The following MSRA variants were observed in gnomAD, a reference collection of about 807,000 sequenced individuals.
The protein encoded by MSRA is methionine sulfoxide reductase A, also known as mitochondrial peptide methionine sulfoxide reductase.
Under a neutral mutation model 31.3 loss-of-function variants are expected in MSRA, and 54 were observed. That is an observed-to-expected ratio of 1.73 (90% CI 1.39 to 2.17). The LOEUF (loss-of-function observed/expected upper bound fraction) is 2.17. MSRA is among the 30% of genes most tolerant of loss of function. The pLI, the probability that MSRA is intolerant of heterozygous loss-of-function variation, is 0.00. For synonymous variants in MSRA, 169 were observed against 116.5 expected (o/e 1.45, Z -2.90); for missense variants, 507 against 300.9 (o/e 1.69, Z -5.07).
intron 1 of MSRA, among the ~76,000 whole-genome samples, chr8:10,195,280 G>T (rs762489548): frequency 6.6e-6 from 1 of 152,068 alleles, no homozygotes. Flanking sequence ...TCACTCTGTC[G>T]CCCAGGCTTC....
chr8:10,185,595 A>C (rs1202135599), intron 1 of MSRA, among the ~76,000 whole-genome samples: 2 of 152,308 alleles, frequency 1.3e-5, no homozygotes, highest in Middle Eastern at 3.4e-3. Context: ...CCATGACAGA[A>C]GAGGGAAAGA....
At chr8:10,118,910 A>G (rs1800890494) in intron 1 of MSRA, among the ~76,000 whole-genome samples, 1 of 152,146 alleles carries the variant, frequency 6.6e-6, no homozygotes, top group Non-Finnish European at 1.5e-5. Flanking sequence ...GGAATGTGGA[A>G]TATGGGAAGG....
chr8:10,171,426 G>C (rs1805578383), intron 1 of MSRA, among the ~76,000 whole-genome samples: 1 of 143,626 alleles, frequency 7.0e-6, no homozygotes, highest in South Asian at 2.2e-4. Flanking sequence ...ACATTTTCTT[G>C]TATTTGTAGC....
intron 1 of MSRA, among the ~76,000 whole-genome samples, chr8:10,207,095 A>T (rs930669652): frequency 6.6e-6 from 1 of 152,220 alleles, no homozygotes; most frequent in Admixed American, 6.5e-5. Flanking sequence ...ATGCTCATAG[A>T]TGGGGAATAC....
chr8:10,190,182 C>G (rs1272119416), intron 1 of MSRA, among the ~76,000 whole-genome samples: 1 of 152,152 alleles, frequency 6.6e-6, no homozygotes, highest in Non-Finnish European at 1.5e-5. Context: ...GAGGAAGTCT[C>G]TCTTGCCATT....
intron 5 of MSRA, among the ~76,000 whole-genome samples, chr8:10,373,676 C>T (rs191076161): frequency 6.6e-6 from 1 of 152,230 alleles, no homozygotes; most frequent in Admixed American, 6.5e-5. Flanking sequence ...GGAAGGAAGC[C>T]AGCATGACTG....
At chr8:10,331,457 T>A (rs1802695373) in intron 5 of MSRA, among the ~76,000 whole-genome samples, 1 of 152,298 alleles carries the variant, frequency 6.6e-6, no homozygotes, top group African/African-American at 2.4e-5. Context: ...AACTTCACAG[T>A]CACACACAGG....
intron 5 of MSRA, among the ~76,000 whole-genome samples, chr8:10,340,109 G>A (rs1235247737): frequency 2.0e-5 from 3 of 152,060 alleles, no homozygotes; most frequent in East Asian, 3.9e-4. Context: ...GGAAAGAGAC[G>A]GCAAAGGAGA....
chr8:10,165,608 T>C (rs553314727), intron 1 of MSRA, among the ~76,000 whole-genome samples: 8 of 152,208 alleles, frequency 5.3e-5, no homozygotes, highest in Middle Eastern at 3.4e-3. Context: ...GGCTTCAATT[T>C]CCTGATAAAA....
intron 2 of MSRA, among the ~76,000 whole-genome samples, chr8:10,219,731 G>A (rs7017349): frequency 0.67 from 100,258 of 148,636 alleles, 34,923 homozygotes; most frequent in East Asian, 1. Flanking sequence ...GGGTGAACCC[G>A]GGAGGCACAA....
intron 2 of MSRA, among the ~76,000 whole-genome samples, chr8:10,229,560 TGCCTGC>T (rs143937381): frequency 0.01 from 1,534 of 152,228 alleles, 32 homozygotes; most frequent in African/African-American, 0.035. Flanking sequence ...TTAGAGGGTG[TGCCTGC>T]GCATGTGGGG....
chr8:10,249,574 C>T (rs895705720), intron 3 of MSRA, among the ~76,000 whole-genome samples: 1 of 152,166 alleles, frequency 6.6e-6, no homozygotes, highest in Admixed American at 6.5e-5. Flanking sequence ...GGCTGAGAAA[C>T]TTACCTCACC....
At chr8:10,368,406 T>G (rs2129168918) in intron 5 of MSRA, among the ~76,000 whole-genome samples, 1 of 152,358 alleles carries the variant, frequency 6.6e-6, no homozygotes, top group East Asian at 1.9e-4. Flanking sequence ...AAAAGATGTC[T>G]TCCTTTGCAA....
intron 3 of MSRA, among the ~76,000 whole-genome samples, chr8:10,282,867 C>G (rs965387226): frequency 6.6e-6 from 1 of 152,130 alleles, no homozygotes; most frequent in African/African-American, 2.4e-5. Context: ...TTCATCAGCT[C>G]TCCTCTATAT....
At chr8:10,057,121 A>G (rs1486662466) in intron 1 of MSRA, among the ~76,000 whole-genome samples, 1 of 152,204 alleles carries the variant, frequency 6.6e-6, no homozygotes, top group Non-Finnish European at 1.5e-5. Flanking sequence ...AATTTATCCC[A>G]GGCTACCTAA....
chr8:10,097,880 T>G (rs1257803686), intron 1 of MSRA, among the ~76,000 whole-genome samples: 1 of 152,150 alleles, frequency 6.6e-6, no homozygotes, highest in Non-Finnish European at 1.5e-5. Flanking sequence ...AACTTAAAAT[T>G]TGATAAATAC....
In MSRA at chr8:10,231,431, G is replaced by C. The variant is rs189703460; in HGVS notation, c.212-13673G>C. ...TGGCTTGGTAGTCAGCTTGGTGGTAGCTGTATTGAATTTCACGTGTCAGGG... is the reference window on the plus strand; with the variant it reads ...TGGCTTGGTAGTCAGCTTGGTGGTACCTGTATTGAATTTCACGTGTCAGGG... On this transcript the variant is annotated intron_variant, in intron 2 of 5. Coordinates refer to ENST00000317173, the MANE Select transcript of MSRA (RefSeq NM_012331.5). Among the ~76,000 whole-genome samples the C allele has an allele frequency of 5.9e-5, 9 of 152,350 alleles. No individual in the cohort carries two copies. The South Asian group carries it at 6.2e-4, about 11-fold the overall frequency.
intron 5 of MSRA, among the ~76,000 whole-genome samples, chr8:10,334,062 C>T (rs766088183): frequency 1.4e-4 from 21 of 152,118 alleles, no homozygotes; most frequent in Non-Finnish European, 7.3e-5. Flanking sequence ...ATTAAGTTCC[C>T]GTCCATTGGC....
At chr8:10,124,412 G>A (rs968171383) in intron 1 of MSRA, among the ~76,000 whole-genome samples, 1 of 152,138 alleles carries the variant, frequency 6.6e-6, no homozygotes, top group Non-Finnish European at 1.5e-5. Flanking sequence ...CCGTTTTTCT[G>A]TAAGCACAAA....
Sources: gnomAD v4.1 joint callset for allele counts (sites outside exome capture counted in the v4.1 genomes callset) on GRCh38, gnomAD v4.1.1 for gene constraint, MANE v1.5 for transcripts, NCBI Gene and HGNC (gene_info 2026-07-23, HGNC 2026-07-21) for gene names.